Variants in ALKBH8 observed in about 807,000 individuals in gnomAD.
ALKBH8 encodes alkB homolog 8, tRNA methyltransferase.
A neutral mutation model predicts 59.8 loss-of-function variants in ALKBH8; 36 were observed. The ratio of observed to expected loss-of-function variants is 0.60; its 90% CI spans 0.46 to 0.79. The LOEUF is 0.79. Ranked by LOEUF, ALKBH8 falls within the 30% of genes least tolerant of loss-of-function variation. ALKBH8 has a pLI of 0.00. For synonymous variants in ALKBH8, 276 were observed against 273.6 expected, an observed-to-expected ratio of 1.01 and a Z score of -0.09; for missense variants, 768 against 801.0, an observed-to-expected ratio of 0.96 and a Z score of 0.50.
intron 8 of ALKBH8, among the ~76,000 whole-genome samples, chr11:107,528,060 A>G (rs191579774): frequency 1.7e-4 from 26 of 152,232 alleles, no homozygotes; most frequent in Middle Eastern, 3.4e-3. Flanking sequence ...TTTTGCATCA[A>G]TCAAGATGAT....
chr11:107,523,716 C>T (rs190802976), intron 9 of ALKBH8, among the ~76,000 whole-genome samples: 6 of 151,416 alleles, frequency 4.0e-5, no homozygotes, highest in Non-Finnish European at 8.8e-5. Context: ...GATTCTCCTG[C>T]CTCAGCCTCC....
At chr11:107,545,892 A>G (rs965876801) in intron 7 of ALKBH8, among the ~76,000 whole-genome samples, 1 of 152,222 alleles carries the variant, frequency 6.6e-6, no homozygotes, top group African/African-American at 2.4e-5. Flanking sequence ...ACATCTGAAA[A>G]TCTGGCAGAG....
At position 107,503,556 on chromosome 11, in the gene ALKBH8, T is replaced by G. The variant is rs1862258141; in HGVS notation, c.*1102A>C. On this transcript the variant is annotated 3_prime_UTR_variant, in exon 12 of 12. Transcript: ENST00000428149. ...TTGACCTATGGTTGAATTTCTACCT[T>G]TGTTCCTCCAGGAAATCTAACCTAA... 6.6e-6 allele frequency: 1 copy of G among 152,192 alleles called. No homozygotes were observed. The highest frequency in any genetic ancestry group is 1.5e-5 in the Non-Finnish European group (1 of 68,012). 9.4% of individuals were successfully genotyped at this position (152,192 alleles called of 1,614,324 possible). A position where few individuals can be genotyped will look rare whatever the true frequency, so the allele number is the denominator to read the frequency against.
At chr11:107,526,968 C>T (rs1445122871) in intron 8 of ALKBH8, among the ~76,000 whole-genome samples, 1 of 151,904 alleles carries the variant, frequency 6.6e-6, no homozygotes, top group Non-Finnish European at 1.5e-5. Flanking sequence ...GATTATATAG[C>T]CATATAGTAA....
At position 107,522,866 on chromosome 11, in the gene ALKBH8, A is replaced by T. The variant is rs111852812; in HGVS notation, c.1031-311T>A. On this transcript the variant is annotated intron_variant, in intron 9 of 11. Coordinates refer to ENST00000428149, the MANE Select transcript of ALKBH8 (RefSeq NM_138775.3). ...TAAGAAGAGAAGGGAGCTCTTGCAC[A>T]CTGTTGGTGGGAATGTAAATTAGAA... Among the ~76,000 whole-genome samples, 729 of 152,148 alleles carry T rather than the reference A, an allele frequency of 4.8e-3. 6 individuals carry two copies. The highest frequency in any genetic ancestry group is 0.016 in the African/African-American group (681 of 41,512).
chr11:107,550,948 T>A (rs193224147), intron 6 of ALKBH8, among the ~76,000 whole-genome samples: 17 of 152,176 alleles, frequency 1.1e-4, no homozygotes, highest in Non-Finnish European at 2.2e-4. Flanking sequence ...AAAAAATACA[T>A]TTCTGTTGTT....
At position 107,504,598 on chromosome 11, in the gene ALKBH8, TTC is replaced by T. The variant is rs754512345; in HGVS notation, c.*58_*59del. ...TTTAATTAAAAGGGTAATTAATTTA[TTC>T]TCTCTTTTTTTTTAAGTGAGCATTT... On this transcript the variant is annotated 3_prime_UTR_variant, in exon 12 of 12. Transcript: ENST00000428149. The T allele has an allele frequency of 1.8e-5, 28 of 1,517,924 alleles. No homozygotes were observed. Among genetic ancestry groups the T allele is most frequent in the Non-Finnish European group, 2.4e-5 (27 of 1,123,854 alleles). 94.0% of individuals were successfully genotyped at this position (1,517,924 alleles called of 1,614,324 possible). A position where few individuals can be genotyped will look rare whatever the true frequency, so the allele number is the denominator to read the frequency against.
At chr11:107,541,812 G>T (rs1177900320) in intron 7 of ALKBH8, among the ~76,000 whole-genome samples, 1 of 151,994 alleles carries the variant, frequency 6.6e-6, no homozygotes, top group African/African-American at 2.4e-5. Context: ...TCAAATATCA[G>T]AAACAGGCTA....
At chr11:107,535,318 A>G (rs117926426) in intron 7 of ALKBH8, among the ~76,000 whole-genome samples, 2,448 of 152,278 alleles carry the variant, frequency 0.016, 112 homozygotes, top group East Asian at 0.1. Context: ...TAGTTCTTCA[A>G]GGAATCTCCA....
intron 8 of ALKBH8, among the ~76,000 whole-genome samples, chr11:107,531,457 G>C (rs1156412077): frequency 6.6e-6 from 1 of 152,108 alleles, no homozygotes; most frequent in Non-Finnish European, 1.5e-5. Context: ...CTCCTCAAAA[G>C]AGTCAATGTT....
intron 10 of ALKBH8, among the ~76,000 whole-genome samples, chr11:107,516,245 C>CT (rs1862857126): frequency 6.6e-6 from 1 of 152,224 alleles, no homozygotes; most frequent in African/African-American, 2.4e-5. Flanking sequence ...ATTCTTCCTT[C>CT]TTATCCCATT....
chr11:107,555,750 G>A (rs1049992731), intron 3 of ALKBH8, among the ~76,000 whole-genome samples: 10 of 152,100 alleles, frequency 6.6e-5, no homozygotes, highest in Non-Finnish European at 1.3e-4. Context: ...CTAAATAGGT[G>A]GCAAATGAAT....
Position 107,565,714 on chromosome 11 carries a change from C to A in ALKBH8, c.-120G>T. 1.3e-6 allele frequency: 2 copies of A among 1,526,456 alleles called. No homozygotes were observed. The highest frequency in any genetic ancestry group is 1.2e-5 in the South Asian group (1 of 83,872). The allele number at this position is 1,526,456 out of a possible 1,614,324, so 94.6% of individuals were successfully genotyped here. ...ATACTTGCACGCCATCTCCCCTGGG[C>A]GCGGCCATGTTGGAGAAAACTGCAC... On this transcript the variant is annotated 5_prime_UTR_variant, in exon 1 of 12. Transcript: ENST00000428149.
intron 1 of ALKBH8, among the ~76,000 whole-genome samples, chr11:107,562,514 G>A (rs978304266): frequency 6.6e-6 from 1 of 151,836 alleles, no homozygotes; most frequent in African/African-American, 2.4e-5. Context: ...CACTCTCTGC[G>A]GACTTTAAAG....
chr11:107,532,328 C>T lies in ALKBH8; in HGVS notation c.850G>A (p.Gly284Arg). 1.2e-6 allele frequency: 2 copies of T among 1,613,492 alleles called. No homozygotes were observed. The highest frequency in any genetic ancestry group is 1.7e-6 in the Non-Finnish European group (2 of 1,179,598). The part of the protein sequence containing the change: ...LPRRSLLVMT[G>R]ESRYLWTHGI... Reference sequence around the variant, plus strand: ...TGGGTCCAAAGGTATCTAGATTCTCCTGTCATCACCAGCAAACTCCGACGA... The same window carrying T: ...TGGGTCCAAAGGTATCTAGATTCTCTTGTCATCACCAGCAAACTCCGACGA... The change falls in exon 8 of 12, where the codon GGA becomes AGA. Residue 284 changes from glycine to arginine, a missense_variant. By Grantham distance (125) the Gly-to-Arg change is moderately radical. Transcript: ENST00000428149.
rs1167426578 is a variant in ALKBH8 at position 107,504,706 on chromosome 11, T to G, written c.1947A>C (p.Gln649His). Reference protein sequence around the residue: ...CRTVSDVRILQSYYDQGNWCV... With the variant: ...CRTVSDVRILHSYYDQGNWCV... ...ACCAGTTTCCTTGATCGTAGTAGCT[T>G]TGCAGAATTCTGACATCACTCACAG... Residue 649 changes from glutamine (Q) to histidine (H), a missense_variant, in exon 12 of 12, where the codon CAA (glutamine) becomes CAC (histidine). Gln to His is a conservative substitution (Grantham distance 24). Coordinates refer to ENST00000428149, the MANE Select transcript of ALKBH8 (RefSeq NM_138775.3). 1 of 1,551,420 alleles carries G rather than the reference T, an allele frequency of 6.4e-7. No individual in the cohort carries two copies. The highest frequency in any genetic ancestry group is 2.4e-5 in the East Asian group (1 of 40,924).
Position 107,549,816 on chromosome 11 carries a change from G to C in ALKBH8, c.708C>G (p.Pro236=), listed in dbSNP as rs538358474. ...INQYEPGQGI[P]AHIDTHSAFE... ...AAGCGGAATGTGTATCAATATGAGCGGGAATTCCTGAGATGGAAAACAGGA... is the reference window on the plus strand; with the variant it reads ...AAGCGGAATGTGTATCAATATGAGCCGGAATTCCTGAGATGGAAAACAGGA... Residue 236 remains proline (P), a synonymous_variant, in exon 7 of 12, where the codon CCC becomes CCG. Transcript: ENST00000428149. 1 of 1,547,330 alleles carries C rather than the reference G, an allele frequency of 6.5e-7. No individual in the cohort carries two copies. Among genetic ancestry groups the C allele is most frequent in the Admixed American group, 2.0e-5 (1 of 50,822 alleles).
At chr11:107,552,107 T>C (rs1324960821) in intron 5 of ALKBH8, among the ~76,000 whole-genome samples, 195 bp from the exon 6 acceptor site, 1 of 151,972 alleles carries the variant, frequency 6.6e-6, no homozygotes, top group Non-Finnish European at 1.5e-5. Flanking sequence ...TCATTGATTT[T>C]TTTTCAGATA....
rs555176361 is a variant in ALKBH8 at position 107,515,859 on chromosome 11, T to C, written c.1288-4823A>G. Among the ~76,000 whole-genome samples the C allele has an allele frequency of 3.1e-3, 471 of 152,260 alleles. 2 individuals are homozygous for C. The highest frequency in any genetic ancestry group is 0.011 in the African/African-American group (457 of 41,546). On this transcript the variant is annotated intron_variant, in intron 10 of 11. Coordinates refer to ENST00000428149, the MANE Select transcript of ALKBH8 (RefSeq NM_138775.3). Reference sequence around the variant, plus strand: ...GTCAGTATGATAGAACTTCCTCTCATACAAAATACAAATTGGCTCAACCAT... The same window carrying C: ...GTCAGTATGATAGAACTTCCTCTCACACAAAATACAAATTGGCTCAACCAT...
Sources: allele counts gnomAD v4.1 joint callset (sites outside exome capture counted in the v4.1 genomes callset), GRCh38; gene constraint gnomAD v4.1.1; transcripts MANE v1.5; gene names NCBI Gene and HGNC (gene_info 2026-07-23, HGNC 2026-07-21).